The following PTPRN2 variants were observed in gnomAD, a reference collection of about 807,000 sequenced individuals.
PTPRN2 encodes protein tyrosine phosphatase receptor type N2, also known as receptor-type tyrosine-protein phosphatase N2.
PTPRN2 carries 74 observed loss-of-function variants against 118.8 expected under a neutral mutation model. That is an observed-to-expected ratio of 0.62 (90% CI 0.52 to 0.76). The LOEUF (loss-of-function observed/expected upper bound fraction) is 0.76. Ranked by LOEUF, PTPRN2 falls within the 30% of genes least tolerant of loss-of-function variation. PTPRN2 has a pLI of 0.00. For missense variants in PTPRN2, 1,481 were observed against 1,394.4 expected (o/e 1.06, Z -0.99); for synonymous variants, 641 against 608.0 (o/e 1.05, Z -0.80).
chr7:158,205,348 T>C lies in PTPRN2; in HGVS notation c.278-75A>G, dbSNP rs1016262985. The C allele has an allele frequency of 1.6e-4, 175 of 1,082,868 alleles. 1 individual carries two copies. In the Middle Eastern group the frequency reaches 2.8e-3, roughly 17 times the overall value. The allele number at this position is 1,082,868 out of a possible 1,614,324, so 67.1% of individuals were successfully genotyped here. A position where few individuals can be genotyped will look rare whatever the true frequency, so the allele number is the denominator to read the frequency against. ...AAAGCTCTTGCTTCAGTCTCACAAT[T>C]AGTTGCATTTCAGCATTAAGTTGAT... On this transcript the variant is annotated intron_variant, in intron 3 of 22. Transcript: ENST00000389418.
At chr7:158,117,295 C>T (rs1355567650) in intron 9 of PTPRN2, among the ~76,000 whole-genome samples, 1 of 151,894 alleles carries the variant, frequency 6.6e-6, no homozygotes, top group African/African-American at 2.4e-5. Flanking sequence ...TAGAGAGATT[C>T]AAAGGCAGAT....
At chr7:157,873,260 AG>A (rs1811223044) in intron 12 of PTPRN2, among the ~76,000 whole-genome samples, 1 of 152,248 alleles carries the variant, frequency 6.6e-6, no homozygotes, top group Non-Finnish European at 1.5e-5. Flanking sequence ...GTGCTGAGCA[AG>A]TATCTGTTGA....
intron 2 of PTPRN2, among the ~76,000 whole-genome samples, chr7:158,459,169 G>A (rs1193059658): frequency 6.6e-6 from 1 of 152,104 alleles, no homozygotes; most frequent in Non-Finnish European, 1.5e-5. Flanking sequence ...ACCAAGGCTT[G>A]AGGCTGTGGC....
chr7:157,827,825 G>T (rs552109871), intron 12 of PTPRN2, among the ~76,000 whole-genome samples: 1 of 152,232 alleles, frequency 6.6e-6, no homozygotes, highest in African/African-American at 2.4e-5. Context: ...ACTCAGGGAC[G>T]GCCACCGTGT....
In PTPRN2 at chr7:157,874,179, C is replaced by T. The variant is rs978908012; in HGVS notation, c.1788+24494G>A. Among the ~76,000 whole-genome samples the T allele has an allele frequency of 6.6e-6, 1 of 152,174 alleles. No homozygotes were observed. The highest frequency in any genetic ancestry group is 2.4e-5 in the African/African-American group (1 of 41,430). On this transcript the variant is annotated intron_variant, in intron 12 of 22. Transcript: ENST00000389418. This position sits in a 1 kb window ranked among gnomAD's most constrained non-coding sequence, Gnocchi z 5.8. ...TCCTGCGGAAGGTGCTGAAGCGGCCCTCAGTCTGCCTCTGGCCTCCCTCTG... is the reference window on the plus strand; with the variant it reads ...TCCTGCGGAAGGTGCTGAAGCGGCCTTCAGTCTGCCTCTGGCCTCCCTCTG...
chr7:158,041,543 C>A (rs1350099223), intron 11 of PTPRN2, among the ~76,000 whole-genome samples: 1 of 152,076 alleles, frequency 6.6e-6, no homozygotes, highest in Non-Finnish European at 1.5e-5. Flanking sequence ...GAGGCTGAGG[C>A]AGGAGAATCG....
At chr7:157,654,912 C>T (rs115819485) in intron 14 of PTPRN2, among the ~76,000 whole-genome samples, 3,752 of 152,262 alleles carry the variant, frequency 0.025, 148 homozygotes, top group African/African-American at 0.084. Context: ...GCCCTAATAC[C>T]AAATCTCATC....
chr7:157,797,617 C>T (rs1265219786), intron 12 of PTPRN2, among the ~76,000 whole-genome samples: 10 of 152,184 alleles, frequency 6.6e-5, no homozygotes, highest in East Asian at 1.9e-4. Context: ...TGCTGTGGGA[C>T]GTACCACTCG....
At chr7:157,945,466 C>T (rs1039573087) in intron 11 of PTPRN2, among the ~76,000 whole-genome samples, 1 of 152,194 alleles carries the variant, frequency 6.6e-6, no homozygotes, top group African/African-American at 2.4e-5. Context: ...GTTTCTCCAA[C>T]CCATTCACTC....
chr7:157,620,566 C>T (rs531463978), intron 15 of PTPRN2, among the ~76,000 whole-genome samples: 110 of 152,202 alleles, frequency 7.2e-4, no homozygotes, highest in Admixed American at 1.6e-3. Flanking sequence ...ACTTCAAGGA[C>T]GACAGCGTGA....
chr7:157,875,035 A>T (rs1276275397), intron 12 of PTPRN2, among the ~76,000 whole-genome samples: 2 of 151,460 alleles, frequency 1.3e-5, no homozygotes, highest in African/African-American at 4.8e-5. Flanking sequence ...ACACGCAGAC[A>T]CACACACGCG....
At chr7:158,058,989 A>G (rs369920759) in intron 11 of PTPRN2, among the ~76,000 whole-genome samples, 29 of 67,254 alleles carry the variant, frequency 4.3e-4, no homozygotes, top group Admixed American at 9.0e-4. Context: ...ATCTGCCCAC[A>G]GTGAGACATC....
chr7:157,719,487 C>T (rs746287898), intron 12 of PTPRN2, among the ~76,000 whole-genome samples: 10 of 152,250 alleles, frequency 6.6e-5, no homozygotes, highest in South Asian at 4.1e-4. Context: ...AGCCCGGCTC[C>T]GGCCATGCCC....
At chr7:157,738,242 G>A (rs966402637) in intron 12 of PTPRN2, among the ~76,000 whole-genome samples, 7 of 152,220 alleles carry the variant, frequency 4.6e-5, no homozygotes, top group African/African-American at 1.7e-4. Context: ...CTCTGGGAAG[G>A]CTGACATTTC....
chr7:158,530,162 T>C (rs1247716863), intron 1 of PTPRN2, among the ~76,000 whole-genome samples: 1 of 152,316 alleles, frequency 6.6e-6, no homozygotes, highest in East Asian at 1.9e-4. Flanking sequence ...ATTAGTGATT[T>C]GGTTCCCTGG....
intron 6 of PTPRN2, among the ~76,000 whole-genome samples, chr7:158,150,821 C>A (rs1268991900): frequency 6.6e-6 from 1 of 151,980 alleles, no homozygotes; most frequent in African/African-American, 2.4e-5. Context: ...TGAACTCTCC[C>A]ATGATGGTTG....
chr7:157,620,550 A>C (rs536059779), intron 15 of PTPRN2, among the ~76,000 whole-genome samples: 1 of 152,374 alleles, frequency 6.6e-6, no homozygotes, highest in South Asian at 2.1e-4. Flanking sequence ...CCCTTACAGC[A>C]GTAATACTTC....
chr7:158,264,870 C>T (rs901615347), intron 3 of PTPRN2, among the ~76,000 whole-genome samples: 3 of 152,114 alleles, frequency 2.0e-5, no homozygotes, highest in Non-Finnish European at 4.4e-5. Context: ...CCTTGATGCC[C>T]GGGAGGAGCT....
At chr7:157,836,615 C>CACAA (rs1339607379) in intron 12 of PTPRN2, among the ~76,000 whole-genome samples, 3 of 151,728 alleles carry the variant, frequency 2.0e-5, no homozygotes, top group Non-Finnish European at 2.9e-5. Context: ...AATAAAGACA[C>CACAA]ACACACACAC....
Sources: gnomAD v4.1 joint callset for allele counts (sites outside exome capture counted in the v4.1 genomes callset) on GRCh38, gnomAD v4.1.1 for gene constraint, Gnocchi (gnomAD v3.1) non-coding constraint, MANE v1.5 for transcripts, NCBI Gene and HGNC (gene_info 2026-07-23, HGNC 2026-07-21) for gene names.